Variants in SYT1 observed in about 807,000 individuals in gnomAD.
SYT1 encodes synaptotagmin 1.
SYT1 carries 8 observed loss-of-function variants against 44.8 expected under a neutral mutation model. The observed-to-expected ratio is 0.18, with a 90% CI of 0.10 to 0.32. The LOEUF (loss-of-function observed/expected upper bound fraction) is 0.32. Ranked by LOEUF, SYT1 falls within the 10% of genes least tolerant of loss-of-function variation. The pLI is 1.00. For synonymous variants in SYT1, 154 were observed against 188.8 expected (o/e 0.82, Z 1.51); for missense variants, 286 against 509.3 (o/e 0.56, Z 4.22).
chr12:79,101,435 G>C (rs1187553633), intron 3 of SYT1, among the ~76,000 whole-genome samples: 1 of 152,134 alleles, frequency 6.6e-6, no homozygotes, highest in African/African-American at 2.4e-5. Flanking sequence ...CAAATTCATA[G>C]AGACAGAAAG....
At chr12:78,868,444 CA>C (rs1215499920) in intron 1 of SYT1, among the ~76,000 whole-genome samples, 1 of 151,238 alleles carries the variant, frequency 6.6e-6, no homozygotes, top group Non-Finnish European at 1.5e-5. Flanking sequence ...ATATCTGTAC[CA>C]AAAGTTCAAT....
At chr12:79,261,646 GAT>G (rs1877835964) in intron 4 of SYT1, among the ~76,000 whole-genome samples, 2 of 152,204 alleles carry the variant, frequency 1.3e-5, no homozygotes, top group Non-Finnish European at 2.9e-5. Flanking sequence ...AACAGAATTT[GAT>G]ATATATTTCT....
intron 9 of SYT1, among the ~76,000 whole-genome samples, chr12:79,425,859 C>T (rs1869414436): frequency 6.6e-6 from 1 of 152,032 alleles, no homozygotes; most frequent in Admixed American, 6.6e-5. Context: ...GGCGTATGGC[C>T]TTTGACTCAT....
chr12:79,010,580 T>A (rs970326452), intron 2 of SYT1, among the ~76,000 whole-genome samples: 19 of 152,284 alleles, frequency 1.2e-4, no homozygotes, highest in Admixed American at 3.3e-4. Context: ...CTATATTTTT[T>A]AAATTAAACC....
chr12:78,916,580 C>T (rs1876668524), intron 1 of SYT1, among the ~76,000 whole-genome samples: 1 of 151,918 alleles, frequency 6.6e-6, no homozygotes, highest in African/African-American at 2.4e-5. Context: ...AACCATCTGA[C>T]ATTTTTTCCT....
chr12:79,334,739 T>G (rs1882011316), intron 8 of SYT1, among the ~76,000 whole-genome samples: 2 of 152,214 alleles, frequency 1.3e-5, no homozygotes, highest in Non-Finnish European at 1.5e-5. Flanking sequence ...TTTTTCTTCT[T>G]ATGTCCATAG....
intron 4 of SYT1, among the ~76,000 whole-genome samples, chr12:79,257,674 A>T (rs2138717309): frequency 6.6e-6 from 1 of 152,264 alleles, no homozygotes; most frequent in East Asian, 1.9e-4. Flanking sequence ...TTTTTAGTAG[A>T]GACAGGGTTT....
At chr12:79,268,625 T>G (rs983942527) in intron 4 of SYT1, among the ~76,000 whole-genome samples, 17 of 152,184 alleles carry the variant, frequency 1.1e-4, no homozygotes, top group African/African-American at 3.9e-4. Context: ...TTGGAGCATT[T>G]TTACAGTATT....
chr12:79,087,509 G>T (rs568338004), intron 3 of SYT1, among the ~76,000 whole-genome samples: 133 of 152,198 alleles, frequency 8.7e-4, no homozygotes, highest in African/African-American at 3.2e-3. Context: ...CCTCCTGTAT[G>T]TCTGACTTGT....
intron 9 of SYT1, among the ~76,000 whole-genome samples, chr12:79,429,378 T>C (rs545138497): frequency 6.6e-6 from 1 of 151,166 alleles, no homozygotes; most frequent in South Asian, 2.1e-4. Flanking sequence ...GGCAAATTTT[T>C]GTATTTTTAT....
chr12:79,143,772 C>T (rs1037285022), intron 3 of SYT1, among the ~76,000 whole-genome samples: 1 of 152,066 alleles, frequency 6.6e-6, no homozygotes, highest in East Asian at 1.9e-4. Context: ...CTACTTCCCC[C>T]CTTAAAAGAA....
chr12:79,229,538 T>TA (rs1258997019), intron 4 of SYT1, among the ~76,000 whole-genome samples: 1 of 152,182 alleles, frequency 6.6e-6, no homozygotes, highest in Non-Finnish European at 1.5e-5. Context: ...GAGTTACCAT[T>TA]AAAAACAATC....
intron 3 of SYT1, among the ~76,000 whole-genome samples, chr12:79,214,672 C>T (rs1874669389): frequency 6.6e-6 from 1 of 152,128 alleles, no homozygotes. Context: ...TCTGAATGAC[C>T]AGCAACAATA....
intron 3 of SYT1, among the ~76,000 whole-genome samples, chr12:79,104,374 A>G (rs1425141627): frequency 1.3e-5 from 2 of 152,144 alleles, no homozygotes. Context: ...TTAAAAACAC[A>G]GTACATGATA....
At chr12:79,335,099 T>G (rs931583465) in intron 8 of SYT1, among the ~76,000 whole-genome samples, 3 of 152,148 alleles carry the variant, frequency 2.0e-5, no homozygotes, top group Non-Finnish European at 4.4e-5. Context: ...CTCTTTACAT[T>G]ATAGTAAAGT....
intron 3 of SYT1, among the ~76,000 whole-genome samples, chr12:79,214,548 G>A (rs961651828): frequency 2.6e-5 from 4 of 152,050 alleles, no homozygotes; most frequent in Admixed American, 2.6e-4. Flanking sequence ...TTATAAGCTG[G>A]AGTAAAATGA....
At chr12:79,116,530 G>C (rs1299539068) in intron 3 of SYT1, among the ~76,000 whole-genome samples, 2 of 152,048 alleles carry the variant, frequency 1.3e-5, no homozygotes, top group Non-Finnish European at 2.9e-5. Flanking sequence ...CACAGCATAG[G>C]GTATTAATAT....
At chr12:78,892,165 AATACTTAAC>A (rs1224003122) in intron 1 of SYT1, among the ~76,000 whole-genome samples, 4 of 151,770 alleles carry the variant, frequency 2.6e-5, no homozygotes, top group Non-Finnish European at 5.9e-5. Context: ...TAAATGGGAT[AATACTTAAC>A]ATACTTTGAT....
chr12:78,965,084 C>G (rs2137359346), intron 1 of SYT1, among the ~76,000 whole-genome samples: 1 of 152,096 alleles, frequency 6.6e-6, no homozygotes, highest in East Asian at 1.9e-4. Context: ...GAAATTATTC[C>G]TAATCTTATT....
Sources: allele counts gnomAD v4.1 joint callset (sites outside exome capture counted in the v4.1 genomes callset), GRCh38; gene constraint gnomAD v4.1.1; transcripts MANE v1.5; gene names NCBI Gene and HGNC (gene_info 2026-07-23, HGNC 2026-07-21).